HDAC9: variants seen among roughly 807,000 people sequenced by gnomAD.
HDAC9 encodes the protein histone deacetylase 9, also known as MEF-2 interacting transcription repressor (MITR) protein.
HDAC9 carries 41 observed loss-of-function variants against 139.4 expected under a neutral mutation model. That is an observed-to-expected ratio of 0.29 (90% confidence interval 0.23 to 0.38). The LOEUF (loss-of-function observed/expected upper bound fraction) is 0.38, where lower values mean the gene tolerates loss of function less well. Among genes scored for constraint, HDAC9 ranks in the 10% least tolerant of loss-of-function variants. HDAC9 has a pLI of 1.00. For synonymous variants in HDAC9, 517 were observed against 476.2 expected (o/e 1.09, Z -1.12); for missense variants, 1,147 against 1,297.0 (o/e 0.88, Z 1.78).
chr7:18,835,449 G>A lies in HDAC9; in HGVS notation c.2467-18G>A. 6.2e-7 allele frequency: 1 copy of A among 1,606,116 alleles called. No homozygotes were observed. The highest frequency in any genetic ancestry group is 8.5e-7 in the Non-Finnish European group (1 of 1,175,116). On this transcript the variant is annotated intron_variant, in intron 19 of 25. Coordinates refer to ENST00000686413, the MANE Select transcript of HDAC9 (RefSeq NM_178425.4). ...TTAGACATGACTGTATTTGTCGTCT[G>A]TTTTCATTTCCCTGTAGGATGTTCA...
At chr7:18,714,953 A>C (rs1219377272) in intron 12 of HDAC9, among the ~76,000 whole-genome samples, 1 of 152,218 alleles carries the variant, frequency 6.6e-6, no homozygotes, top group Non-Finnish European at 1.5e-5. Flanking sequence ...AATAATTACA[A>C]AAGTGTTTTA....
chr7:18,100,437 C>G (rs973657539), intron 1 of HDAC9, among the ~76,000 whole-genome samples: 1 of 152,034 alleles, frequency 6.6e-6, no homozygotes, highest in Non-Finnish European at 1.5e-5. Flanking sequence ...ACTCCAGTTG[C>G]ATGTATATTA....
chr7:18,764,429 G>C (rs368402953), intron 15 of HDAC9, among the ~76,000 whole-genome samples: 11 of 152,184 alleles, frequency 7.2e-5, no homozygotes, highest in African/African-American at 2.6e-4. Flanking sequence ...ATTCTATCAG[G>C]CCTTAAGGTC....
intron 2 of HDAC9, among the ~76,000 whole-genome samples, chr7:18,579,756 G>A (rs138902873): frequency 1.3e-3 from 203 of 152,020 alleles, no homozygotes; most frequent in African/African-American, 4.7e-3. Flanking sequence ...TAAATAATTG[G>A]CATATACCAA....
At chr7:18,794,434 T>C (rs1792604363) in intron 17 of HDAC9, among the ~76,000 whole-genome samples, 2 of 152,214 alleles carry the variant, frequency 1.3e-5, no homozygotes, top group African/African-American at 4.8e-5. Flanking sequence ...CACTTCACAA[T>C]GCAACGTTTG....
intron 1 of HDAC9, among the ~76,000 whole-genome samples, chr7:18,348,773 A>T (rs1255393599): frequency 6.6e-6 from 1 of 152,114 alleles, no homozygotes; most frequent in South Asian, 2.1e-4. Context: ...CACATATTTC[A>T]ACTTCTTGCA....
upstream of HDAC9, among the ~76,000 whole-genome samples, chr7:18,286,149 T>C (rs979701292): frequency 6.6e-6 from 1 of 152,034 alleles, no homozygotes; most frequent in South Asian, 2.1e-4. Flanking sequence ...TGAACACATA[T>C]TTAAGAACTC....
At chr7:18,602,822 T>C (rs1334576397) in intron 6 of HDAC9, among the ~76,000 whole-genome samples, 5 of 152,110 alleles carry the variant, frequency 3.3e-5, no homozygotes, top group Non-Finnish European at 7.4e-5. Context: ...GAAAATACTG[T>C]GTACACATTC....
intron 1 of HDAC9, among the ~76,000 whole-genome samples, chr7:18,129,857 ATAAG>A (rs1282963879): frequency 6.6e-6 from 1 of 152,194 alleles, no homozygotes; most frequent in Non-Finnish European, 1.5e-5. Context: ...GCAAAGTGAT[ATAAG>A]TGTTAGGGAG....
At chr7:18,945,862 C>G (rs1004244243) in intron 23 of HDAC9, among the ~76,000 whole-genome samples, 1 of 151,512 alleles carries the variant, frequency 6.6e-6, no homozygotes, top group Non-Finnish European at 1.5e-5. Flanking sequence ...CATGGTGAAA[C>G]CCCATCTCTA....
intron 1 of HDAC9, among the ~76,000 whole-genome samples, chr7:18,096,881 CTT>C (rs1487662513): frequency 5.6e-5 from 7 of 125,008 alleles, no homozygotes; most frequent in Non-Finnish European, 8.5e-5. Flanking sequence ...GACTTGTTGG[CTT>C]TGTGTGTGTG....
chr7:18,562,470 G>C (rs953291552), intron 2 of HDAC9, among the ~76,000 whole-genome samples: 5 of 152,042 alleles, frequency 3.3e-5, no homozygotes, highest in African/African-American at 1.2e-4. Flanking sequence ...GAGGTTTTCT[G>C]TGTGTATGTG....
intron 2 of HDAC9, among the ~76,000 whole-genome samples, chr7:18,280,123 T>A (rs1797007541): frequency 6.6e-6 from 1 of 152,112 alleles, no homozygotes; most frequent in African/African-American, 2.4e-5. Context: ...AAAGACAGGA[T>A]AGGTTCGTGA....
intron 1 of HDAC9, among the ~76,000 whole-genome samples, chr7:18,300,487 A>C: frequency 6.6e-6 from 1 of 152,154 alleles, no homozygotes; most frequent in East Asian, 1.9e-4. Context: ...GCCACTAAAA[A>C]ATTTTGAATA....
At chr7:18,713,341 T>C (rs1214858447) in intron 12 of HDAC9, among the ~76,000 whole-genome samples, 1 of 152,194 alleles carries the variant, frequency 6.6e-6, no homozygotes, top group Non-Finnish European at 1.5e-5. Flanking sequence ...ATAAAAATTA[T>C]TGACCCATGA....
intron 2 of HDAC9, among the ~76,000 whole-genome samples, chr7:18,179,779 C>T (rs1007418056): frequency 2.0e-5 from 3 of 152,126 alleles, no homozygotes; most frequent in Non-Finnish European, 4.4e-5. Context: ...TCCCTTTGTC[C>T]CAGATTCCTC....
intron 1 of HDAC9, among the ~76,000 whole-genome samples, chr7:18,355,168 C>G (rs1170541506): frequency 6.6e-6 from 1 of 152,136 alleles, no homozygotes; most frequent in East Asian, 1.9e-4. Flanking sequence ...ACACTTCTCA[C>G]CATTTTTATA....
intron 1 of HDAC9, among the ~76,000 whole-genome samples, chr7:18,468,645 A>G (rs910411643): frequency 6.6e-6 from 1 of 152,200 alleles, no homozygotes; most frequent in African/African-American, 2.4e-5. Context: ...GATAGAATGT[A>G]AACTACATGA....
chr7:18,967,637 G>C (rs1783960954), intron 24 of HDAC9, among the ~76,000 whole-genome samples: 1 of 151,946 alleles, frequency 6.6e-6, no homozygotes, highest in Admixed American at 6.6e-5. Flanking sequence ...ACATCTTATA[G>C]AGCAGGAATG....
Sources: gnomAD v4.1 joint callset for allele counts (sites outside exome capture counted in the v4.1 genomes callset) on GRCh38, gnomAD v4.1.1 for gene constraint, MANE v1.5 for transcripts, NCBI Gene and HGNC (gene_info 2026-07-23, HGNC 2026-07-21) for gene names.